Variants in ATG5 observed in about 807,000 individuals in gnomAD.
ATG5 encodes autophagy related 5.
Under a neutral mutation model 36.5 loss-of-function variants are expected in ATG5, and 14 were observed. The observed-to-expected ratio is 0.38, with a 90% CI of 0.25 to 0.60. The LOEUF (loss-of-function observed/expected upper bound fraction) is 0.60, where lower values mean the gene tolerates loss of function less well. ATG5 is among the 20% of genes least tolerant of loss of function. The pLI is 0.60. For synonymous variants in ATG5, 95 were observed against 101.5 expected, an observed-to-expected ratio of 0.94 and a Z score of 0.38; for missense variants, 195 against 326.7, an observed-to-expected ratio of 0.60 and a Z score of 3.11.
chr6:106,316,159 G>T lies in ATG5; in HGVS notation c.50C>A (p.Pro17Gln). Residue 17 changes from proline to glutamine, a missense_variant, in exon 2 of 8, where the codon CCA becomes CAA. By Grantham distance (76) the Pro-to-Gln change is moderately conservative. Coordinates refer to ENST00000369076, the MANE Select transcript of ATG5 (RefSeq NM_004849.4). ...VLRDVWFGRI[P>Q]TCFTLYQDEI... The stretch of plus-strand genomic sequence containing the variant: ...ATCCTGATATAGCGTGAAACAAGTT[G>T]GAATTCGTCCAAACCACACATCTCG... 1 of 1,613,532 alleles carries T rather than the reference G, an allele frequency of 6.2e-7. No individual in the cohort carries two copies. Among genetic ancestry groups the T allele is most frequent in the Non-Finnish European group, 8.5e-7 (1 of 1,179,700 alleles).
At chr6:106,215,385 T>C (rs1776996096) in intron 6 of ATG5, among the ~76,000 whole-genome samples, 1 of 152,232 alleles carries the variant, frequency 6.6e-6, no homozygotes, top group Non-Finnish European at 1.5e-5. Context: ...CTATGGGTTC[T>C]GTGGTGAACG....
At chr6:106,237,048 C>T (rs1322381343) in intron 6 of ATG5, among the ~76,000 whole-genome samples, 5 of 152,132 alleles carry the variant, frequency 3.3e-5, no homozygotes, top group Non-Finnish European at 7.4e-5. Flanking sequence ...AAATTATTAA[C>T]ATATCTTTAT....
In ATG5 at chr6:106,186,182, A is replaced by T; in HGVS notation, c.*358T>A. On this transcript the variant is annotated 3_prime_UTR_variant, in exon 8 of 8. Coordinates refer to ENST00000369076, the MANE Select transcript of ATG5 (RefSeq NM_004849.4). ...GCTAAAGTTCAACCATGGTCACCTT[A>T]GGAAATACCCCTGTTTATTTGTTAA... The T allele has an allele frequency of 4.8e-5, 9 of 186,714 alleles. No homozygotes were observed. The allele number at this position is 186,714 out of a possible 1,614,324, so 11.6% of individuals were successfully genotyped here. A position where few individuals can be genotyped will look rare whatever the true frequency, so the allele number is the denominator to read the frequency against.
chr6:106,290,694 T>C (rs940406096), intron 4 of ATG5, among the ~76,000 whole-genome samples: 1 of 152,194 alleles, frequency 6.6e-6, no homozygotes, highest in Non-Finnish European at 1.5e-5. Context: ...AGATTTCTTA[T>C]TCTAATGTTG....
At chr6:106,256,532 A>C (rs959547620) in intron 5 of ATG5, among the ~76,000 whole-genome samples, 3 of 152,208 alleles carry the variant, frequency 2.0e-5, no homozygotes, top group Non-Finnish European at 4.4e-5. Flanking sequence ...AACGATGAGG[A>C]TAGATTCTGA....
In ATG5 at chr6:106,211,298, TTG is replaced by T. The variant is rs796966598; in HGVS notation, c.574-9211_574-9210del. On this transcript the variant is annotated intron_variant, in intron 6 of 7. Coordinates refer to ENST00000369076, the MANE Select transcript of ATG5 (RefSeq NM_004849.4). ...CCCAGTAGATGCACAATGCACTGGG[TTG>T]TAAAACTTAAAATGGCCTTAATTAA... Among the ~76,000 whole-genome samples the T allele has an allele frequency of 6.6e-5, 10 of 152,290 alleles. No homozygotes were observed. In the East Asian group the frequency reaches 1.2e-3, roughly 18 times the overall value.
intron 6 of ATG5, among the ~76,000 whole-genome samples, chr6:106,233,083 T>C (rs1239398732): frequency 6.6e-6 from 1 of 152,224 alleles, no homozygotes; most frequent in East Asian, 1.9e-4. Flanking sequence ...TTCAGAAACC[T>C]TGTGCCATCA....
intron 7 of ATG5, among the ~76,000 whole-genome samples, chr6:106,197,965 A>G (rs1249977307): frequency 6.6e-6 from 1 of 152,230 alleles, no homozygotes; most frequent in Non-Finnish European, 1.5e-5. Flanking sequence ...CGGACAGGTA[A>G]GAGGTTTATG....
At chr6:106,206,921 T>C (rs1402812781) in intron 6 of ATG5, among the ~76,000 whole-genome samples, 1 of 152,198 alleles carries the variant, frequency 6.6e-6, no homozygotes, top group Non-Finnish European at 1.5e-5. Flanking sequence ...TAAACGTTGA[T>C]TTAGTATATA....
chr6:106,276,995 A>C (rs1475599473), intron 5 of ATG5, among the ~76,000 whole-genome samples: 1 of 152,188 alleles, frequency 6.6e-6, no homozygotes, highest in Non-Finnish European at 1.5e-5. Context: ...CCAGATGTAT[A>C]AATATGAAAC....
chr6:106,192,149 C>T (rs1483953590), intron 7 of ATG5, among the ~76,000 whole-genome samples: 1 of 151,846 alleles, frequency 6.6e-6, no homozygotes, highest in Non-Finnish European at 1.5e-5. Context: ...TCAAGTGGAG[C>T]ACATCACCTA....
chr6:106,266,463 A>G (rs1363815426), intron 5 of ATG5, among the ~76,000 whole-genome samples: 1 of 152,212 alleles, frequency 6.6e-6, no homozygotes, highest in Non-Finnish European at 1.5e-5. Flanking sequence ...ATTCCAAACA[A>G]TAGAAAAAGA....
At chr6:106,269,077 G>A (rs1170683280) in intron 5 of ATG5, among the ~76,000 whole-genome samples, 1 of 152,156 alleles carries the variant, frequency 6.6e-6, no homozygotes, top group East Asian at 1.9e-4. Context: ...TCTGATTGGT[G>A]CGTTTACAAT....
chr6:106,310,021 C>T (rs1770591340), intron 2 of ATG5, among the ~76,000 whole-genome samples: 1 of 151,960 alleles, frequency 6.6e-6, no homozygotes, highest in South Asian at 2.1e-4. Context: ...CTCAAAATTG[C>T]TAAAGAACTC....
intron 2 of ATG5, among the ~76,000 whole-genome samples, chr6:106,311,179 T>C (rs1393996497): frequency 1.3e-5 from 2 of 152,086 alleles, no homozygotes; most frequent in Non-Finnish European, 2.9e-5. Flanking sequence ...TCCACTCCAA[T>C]GTGTAAAGCA....
chr6:106,235,966 G>C (rs145369559), intron 6 of ATG5, among the ~76,000 whole-genome samples: 127 of 152,214 alleles, frequency 8.3e-4, no homozygotes, highest in African/African-American at 3.0e-3. Flanking sequence ...GTTCCTTCTT[G>C]TCCCTTACTG....
chr6:106,309,837 G>C (rs1361243274), intron 2 of ATG5, among the ~76,000 whole-genome samples: 1 of 152,070 alleles, frequency 6.6e-6, no homozygotes, highest in Non-Finnish European at 1.5e-5. Context: ...GTCTCTTTTA[G>C]CAAACCTTGA....
At chr6:106,322,640 A>G (rs1350201789) in intron 1 of ATG5, among the ~76,000 whole-genome samples, 2 of 152,172 alleles carry the variant, frequency 1.3e-5, no homozygotes, top group African/African-American at 4.8e-5. Context: ...TTTACTCAAC[A>G]GTCCCACCCT....
intron 5 of ATG5, among the ~76,000 whole-genome samples, chr6:106,259,964 T>C (rs1161810880): frequency 6.6e-6 from 1 of 152,286 alleles, no homozygotes; most frequent in South Asian, 2.1e-4. Flanking sequence ...TGCAGGGACA[T>C]GGATGAAGCT....
Sources: allele counts gnomAD v4.1 joint callset (sites outside exome capture counted in the v4.1 genomes callset), GRCh38; gene constraint gnomAD v4.1.1; transcripts MANE v1.5; gene names NCBI Gene and HGNC (gene_info 2026-07-23, HGNC 2026-07-21).